CLIP2: variants seen among roughly 807,000 people sequenced by gnomAD.
The protein encoded by CLIP2 is CAP-Gly domain-containing linker protein 2.
In CLIP2, 41 loss-of-function variants were observed where a neutral mutation model predicts 111.7. The ratio of observed to expected loss-of-function variants is 0.37; its 90% CI spans 0.29 to 0.48. The LOEUF is 0.48. CLIP2 is among the 20% of genes least tolerant of loss of function. The pLI is 0.99. For synonymous variants in CLIP2, 660 were observed against 644.2 expected (o/e 1.02, Z -0.37); for missense variants, 1,160 against 1,422.1 (o/e 0.82, Z 2.96).
intron 1 of CLIP2, among the ~76,000 whole-genome samples, chr7:74,312,104 A>C (rs1399382750): frequency 6.6e-6 from 1 of 151,856 alleles, no homozygotes; most frequent in Non-Finnish European, 1.5e-5. Context: ...AAATTAGCCA[A>C]TGTGGTGGCA....
intron 3 of CLIP2, among the ~76,000 whole-genome samples, chr7:74,349,485 T>TA (rs1202758880): frequency 1.7e-5 from 2 of 115,832 alleles, no homozygotes; most frequent in Non-Finnish European, 3.5e-5. Flanking sequence ...TATATATATA[T>TA]ATATATATAT....
At chr7:74,296,403 G>A (rs533337427) in intron 1 of CLIP2, among the ~76,000 whole-genome samples, 160 of 152,068 alleles carry the variant, frequency 1.1e-3, no homozygotes, top group Non-Finnish European at 1.7e-3. Context: ...CCAGCTACTC[G>A]GGAGGCTGAG....
chr7:74,386,161 C>A (rs1301621112), intron 11 of CLIP2, among the ~76,000 whole-genome samples: 3 of 151,898 alleles, frequency 2.0e-5, no homozygotes, highest in Non-Finnish European at 4.4e-5. Flanking sequence ...GATTCTCCTG[C>A]CTCAGCCTCC....
At chr7:74,377,508 G>A (rs1790827326) in intron 10 of CLIP2, among the ~76,000 whole-genome samples, 1 of 152,224 alleles carries the variant, frequency 6.6e-6, no homozygotes, top group South Asian at 2.1e-4. Flanking sequence ...ACCCAGGTGG[G>A]CTGTGCCCAC....
chr7:74,397,249 G>A lies in CLIP2; in HGVS notation c.2880+16G>A. ...GACCGGGCTGGTATGTGGGGTAGGGGTGGCCTAGGGGCAGGGGCACTAGTC... is the reference window on the plus strand; with the variant it reads ...GACCGGGCTGGTATGTGGGGTAGGGATGGCCTAGGGGCAGGGGCACTAGTC... On this transcript the variant is annotated intron_variant, in intron 14 of 16. Coordinates refer to ENST00000223398, the MANE Select transcript of CLIP2 (RefSeq NM_003388.5). 6.2e-7 allele frequency: 1 copy of A among 1,612,144 alleles called. No homozygotes were observed. Among genetic ancestry groups the A allele is most frequent in the South Asian group, 1.1e-5 (1 of 90,908 alleles).
intron 3 of CLIP2, among the ~76,000 whole-genome samples, chr7:74,345,736 A>C (rs572723296): frequency 3.3e-5 from 5 of 151,676 alleles, no homozygotes; most frequent in Admixed American, 3.3e-4. Context: ...AATTCCAGCT[A>C]CTCAGGAGGC....
chr7:74,383,207 A>G (rs1195686412), intron 11 of CLIP2, among the ~76,000 whole-genome samples: 4 of 151,844 alleles, frequency 2.6e-5, no homozygotes, highest in South Asian at 4.1e-4. Context: ...TCATCCTTAT[A>G]TAAGTGTGAG....
At chr7:74,381,401 G>A (rs554283225) in intron 11 of CLIP2, among the ~76,000 whole-genome samples, 1 of 152,020 alleles carries the variant, frequency 6.6e-6, no homozygotes, top group Non-Finnish European at 1.5e-5. Context: ...GTTGACCAGG[G>A]TGGTCTCGAT....
intron 2 of CLIP2, among the ~76,000 whole-genome samples, chr7:74,319,015 C>T (rs1788871602): frequency 1.3e-5 from 2 of 152,092 alleles, no homozygotes; most frequent in Non-Finnish European, 2.9e-5. Flanking sequence ...AGGGTGAGGC[C>T]CGTCGGCAGA....
chr7:74,337,321 C>T (rs538605358), intron 2 of CLIP2, among the ~76,000 whole-genome samples: 7 of 152,186 alleles, frequency 4.6e-5, no homozygotes, highest in East Asian at 1.9e-4. Flanking sequence ...CAGAAGGGGA[C>T]ATCTTTATGC....
chr7:74,397,672 T>G (rs868972917), intron 14 of CLIP2, among the ~76,000 whole-genome samples: 3 of 144,000 alleles, frequency 2.1e-5, no homozygotes, highest in South Asian at 2.3e-4. Flanking sequence ...TTTTGTTTTT[T>G]TTTTTTTTTT....
chr7:74,355,022 T>C (rs1052657765), intron 4 of CLIP2, among the ~76,000 whole-genome samples: 1 of 152,048 alleles, frequency 6.6e-6, no homozygotes, highest in Non-Finnish European at 1.5e-5. Flanking sequence ...GGGAGTGATG[T>C]GGTAAGTGGA....
chr7:74,402,203 A>T (rs1457862969), intron 16 of CLIP2, among the ~76,000 whole-genome samples: 1 of 151,780 alleles, frequency 6.6e-6, no homozygotes, highest in Non-Finnish European at 1.5e-5. Flanking sequence ...GGTGGCGGGC[A>T]CCTGTAGTTC....
intron 5 of CLIP2, among the ~76,000 whole-genome samples, chr7:74,356,942 A>G (rs964831844): frequency 6.6e-6 from 1 of 152,130 alleles, no homozygotes. Flanking sequence ...CTTGGTGGCT[A>G]TGGGCAGAGG....
intron 7 of CLIP2, among the ~76,000 whole-genome samples, chr7:74,362,464 C>G (rs1039853089): frequency 6.6e-6 from 1 of 151,734 alleles, no homozygotes. Flanking sequence ...GTGGCCTACA[C>G]ATCTGGTTCC....
At chr7:74,355,715 T>C (rs1290708530) in intron 4 of CLIP2, among the ~76,000 whole-genome samples, 1 of 152,240 alleles carries the variant, frequency 6.6e-6, no homozygotes, top group Non-Finnish European at 1.5e-5. Context: ...TCCATAACAA[T>C]GCTTTGCCTT....
intron 13 of CLIP2, among the ~76,000 whole-genome samples, chr7:74,390,908 G>C (rs1791277504): frequency 6.6e-6 from 1 of 151,854 alleles, no homozygotes; most frequent in Non-Finnish European, 1.5e-5. Flanking sequence ...CATTAGCCAG[G>C]CGTGTTGGCA....
chr7:74,358,121 A>C (rs1224582791), intron 6 of CLIP2, among the ~76,000 whole-genome samples: 1 of 135,676 alleles, frequency 7.4e-6, no homozygotes, highest in African/African-American at 2.8e-5. Context: ...GTGCAATCTC[A>C]GCTCACTGCA....
At position 74,394,319 on chromosome 7, in the gene CLIP2, C is replaced by T. The variant is rs531730344; in HGVS notation, c.2721-2755C>T. Among the ~76,000 whole-genome samples the T allele has an allele frequency of 2.6e-4, 36 of 139,014 alleles. No homozygotes were observed. In the South Asian group the frequency reaches 8.0e-3, roughly 31 times the overall value. 91.2% of individuals were successfully genotyped at this position (139,014 alleles called of 152,430 possible). A position where few individuals can be genotyped will look rare whatever the true frequency, so the allele number is the denominator to read the frequency against. On this transcript the variant is annotated intron_variant, in intron 13 of 16. Coordinates refer to ENST00000223398, the MANE Select transcript of CLIP2 (RefSeq NM_003388.5). ...AGGCTGGAGTGCAGTGGCACAATCT[C>T]TGCTCACCGCAACCTCTGCCTCCTG...
Sources: allele counts gnomAD v4.1 joint callset (sites outside exome capture counted in the v4.1 genomes callset), GRCh38; gene constraint gnomAD v4.1.1; transcripts MANE v1.5; gene names NCBI Gene and HGNC (gene_info 2026-07-23, HGNC 2026-07-21).